COP1: variants seen among roughly 807,000 people sequenced by gnomAD.
COP1 encodes COP1 E3 ubiquitin ligase, also known as E3 ubiquitin-protein ligase COP1.
COP1 carries 24 observed loss-of-function variants against 101.3 expected under a neutral mutation model. The observed-to-expected ratio is 0.24, with a 90% CI of 0.17 to 0.33. The LOEUF is 0.33. Among genes scored for constraint, COP1 ranks in the 10% least tolerant of loss-of-function variants. The pLI is 1.00. For synonymous variants in COP1, 347 were observed against 341.9 expected (o/e 1.01, Z -0.17); for missense variants, 663 against 906.2 (o/e 0.73, Z 3.45).
intron 2 of COP1, among the ~76,000 whole-genome samples, chr1:176,179,128 T>C (rs1426839888): frequency 1.3e-5 from 2 of 151,792 alleles, no homozygotes; most frequent in African/African-American, 2.4e-5. Flanking sequence ...CCATCTCTAC[T>C]AAAAATACAA....
chr1:175,969,724 A>T (rs900013435), intron 18 of COP1, among the ~76,000 whole-genome samples: 1 of 152,200 alleles, frequency 6.6e-6, no homozygotes, highest in African/African-American at 2.4e-5. Flanking sequence ...TCAAGCCAAC[A>T]GGTGAGAAAA....
chr1:176,006,299 T>A (rs547983274), intron 15 of COP1, among the ~76,000 whole-genome samples: 1 of 152,314 alleles, frequency 6.6e-6, no homozygotes, highest in South Asian at 2.1e-4. Flanking sequence ...TGACTCTTTA[T>A]CCAATTTGCC....
intron 15 of COP1, among the ~76,000 whole-genome samples, chr1:176,015,468 A>C (rs573724241): frequency 2.7e-4 from 41 of 152,294 alleles, no homozygotes; most frequent in African/African-American, 9.1e-4. Flanking sequence ...CAAAATAACC[A>C]CTTCAATTTT....
chr1:176,172,501 T>C (rs1696230696), intron 3 of COP1, among the ~76,000 whole-genome samples: 1 of 152,234 alleles, frequency 6.6e-6, no homozygotes, highest in Non-Finnish European at 1.5e-5. Context: ...ACCAGTCCTC[T>C]ACCTATGACT....
At position 176,173,137 on chromosome 1, in the gene COP1, C is replaced by T. The variant is rs1403469471; in HGVS notation, c.565+2773G>A. Among the ~76,000 whole-genome samples the T allele has an allele frequency of 7.9e-5, 12 of 151,954 alleles. 1 individual carries two copies. In the South Asian group the frequency reaches 2.5e-3, roughly 32 times the overall value. Reference sequence around the variant, plus strand: ...CCAGTCTGGCCAACATAGTGAAACCCTGTCTCTACTAAAAATACAAAAAAT... The same window carrying T: ...CCAGTCTGGCCAACATAGTGAAACCTTGTCTCTACTAAAAATACAAAAAAT... On this transcript the variant is annotated intron_variant, in intron 3 of 19. Coordinates refer to ENST00000367669, the MANE Select transcript of COP1 (RefSeq NM_022457.7).
Position 176,169,340 on chromosome 1 carries a change from T to C in COP1, c.566-5449A>G, listed in dbSNP as rs115797609. 8.9e-3 allele frequency among the ~76,000 whole-genome samples: 1,360 copies of C among 152,306 alleles called. 22 individuals are homozygous for C. Among genetic ancestry groups the C allele is most frequent in the African/African-American group, 0.03 (1,261 of 41,572 alleles). ...GTGTAATATTTATTTGTTTGATCAA[T>C]TGTATACTACTACTAATTAAATAAC... is the stretch of plus-strand genomic sequence containing the variant. On this transcript the variant is annotated intron_variant, in intron 3 of 19. Transcript: ENST00000367669.
In COP1 at chr1:176,207,123, T is replaced by G. The variant is rs1430565267; in HGVS notation, c.-145A>C. The stretch of plus-strand genomic sequence containing the variant: ...GGGCTGAGGAACAATAAAGTTGCGT[T>G]TTTTTTTAAGGCAGCCACACAACAG... On this transcript the variant is annotated 5_prime_UTR_variant, in exon 1 of 20. Coordinates refer to ENST00000367669, the MANE Select transcript of COP1 (RefSeq NM_022457.7). 6.7e-6 allele frequency: 4 copies of G among 596,754 alleles called. No individual in the cohort carries two copies. Among genetic ancestry groups the G allele is most frequent in the Non-Finnish European group, 1.0e-5 (4 of 390,860 alleles). 37.0% of individuals were successfully genotyped at this position (596,754 alleles called of 1,614,324 possible).
At chr1:176,081,017 T>C (rs1199521764) in intron 11 of COP1, 135 bp downstream of exon 11, 4 of 777,484 alleles carry the variant, frequency 5.1e-6, no homozygotes, top group Non-Finnish European at 8.2e-6. Flanking sequence ...GGAACTTGCC[T>C]AAAATCACAG....
chr1:176,193,647 A>T (rs1199972445), intron 1 of COP1, among the ~76,000 whole-genome samples: 3 of 152,192 alleles, frequency 2.0e-5, no homozygotes, highest in African/African-American at 7.2e-5. Flanking sequence ...AAGTGCTGAT[A>T]CATGTCACAA....
intron 18 of COP1, among the ~76,000 whole-genome samples, chr1:175,951,437 A>AATATATAT (rs765055146): frequency 0.035 from 3,740 of 107,862 alleles, 285 homozygotes; most frequent in African/African-American, 0.092. Context: ...AAGATACGTG[A>AATATATAT]ATATATATAT....
At chr1:176,151,401 GAA>G (rs1330396768) in intron 5 of COP1, among the ~76,000 whole-genome samples, 1 of 131,314 alleles carries the variant, frequency 7.6e-6, no homozygotes, top group African/African-American at 2.6e-5. Context: ...AAGAAAGAAA[GAA>G]AGAAAGAAAG....
chr1:176,193,767 C>T (rs1414098350), intron 1 of COP1, among the ~76,000 whole-genome samples: 2 of 151,870 alleles, frequency 1.3e-5, no homozygotes, highest in Non-Finnish European at 2.9e-5. Flanking sequence ...TTCACAGAGA[C>T]AGAAAGTAAA....
chr1:175,984,709 G>A (rs202194931), intron 18 of COP1, among the ~76,000 whole-genome samples: 2 of 152,198 alleles, frequency 1.3e-5, no homozygotes, highest in Admixed American at 6.5e-5. Context: ...ACCCTGCAAC[G>A]CCACAGTGGT....
chr1:175,965,318 A>C (rs1374767001), intron 18 of COP1, among the ~76,000 whole-genome samples: 1 of 152,170 alleles, frequency 6.6e-6, no homozygotes, highest in African/African-American at 2.4e-5. Context: ...CTTGCCCTTG[A>C]GAAGAAATAC....
chr1:176,038,817 C>CAA (rs57682179), intron 14 of COP1, among the ~76,000 whole-genome samples: 5 of 133,730 alleles, frequency 3.7e-5, no homozygotes, highest in African/African-American at 1.4e-4. Context: ...GACTCCATCT[C>CAA]AAAAAAAAAA....
At chr1:176,093,140 CTTT>C (rs1242122306) in intron 9 of COP1, among the ~76,000 whole-genome samples, 1 of 151,876 alleles carries the variant, frequency 6.6e-6, no homozygotes, top group Admixed American at 6.6e-5. Context: ...TGTGGTAAAA[CTTT>C]TTTAAAAGTC....
chr1:176,067,990 G>A (rs1423813526), intron 11 of COP1, among the ~76,000 whole-genome samples: 5 of 152,162 alleles, frequency 3.3e-5, no homozygotes, highest in Non-Finnish European at 5.9e-5. Context: ...CACCCTGCAA[G>A]GGGGACAAGG....
At chr1:176,074,037 C>T (rs557137893) in intron 11 of COP1, among the ~76,000 whole-genome samples, 38 of 152,266 alleles carry the variant, frequency 2.5e-4, no homozygotes, top group African/African-American at 8.9e-4. Flanking sequence ...AGCTATTCTC[C>T]TGTCTCAGCA....
rs75288399 is a variant in COP1, at chr1:176,129,401, C to T, written c.968+5609G>A. On this transcript the variant is annotated intron_variant, in intron 8 of 19. Transcript: ENST00000367669. ...TCCTTCCTCTAGCACAGAAAATAGG[C>T]AATTCAGGATTCAAACTAATGCATG... 5.9e-3 allele frequency among the ~76,000 whole-genome samples: 900 copies of T among 151,838 alleles called. 12 individuals carry two copies. Among genetic ancestry groups the T allele is most frequent in the African/African-American group, 0.021 (863 of 41,496 alleles).
Sources: gnomAD v4.1 joint callset for allele counts (sites outside exome capture counted in the v4.1 genomes callset) on GRCh38, gnomAD v4.1.1 for gene constraint, MANE v1.5 for transcripts, NCBI Gene and HGNC (gene_info 2026-07-23, HGNC 2026-07-21) for gene names.